The following LIPC variants were observed in gnomAD, a reference collection of about 807,000 sequenced individuals.
The protein encoded by LIPC is lipase C, hepatic type.
A neutral mutation model predicts 50.7 loss-of-function variants in LIPC; 44 were observed. The observed-to-expected ratio is 0.87, with a 90% CI of 0.68 to 1.11. LIPC has a LOEUF of 1.11. Among genes scored for constraint, LIPC ranks in the 50% most tolerant of loss-of-function variants. The pLI is 0.00. For missense variants in LIPC, 697 were observed against 648.2 expected, an observed-to-expected ratio of 1.08 and a Z score of -0.82; for synonymous variants, 271 against 256.4, an observed-to-expected ratio of 1.06 and a Z score of -0.54.
intron 1 of LIPC, among the ~76,000 whole-genome samples, chr15:58,481,016 A>G (rs1472430580): frequency 6.6e-6 from 1 of 152,140 alleles, no homozygotes; most frequent in Non-Finnish European, 1.5e-5. Context: ...CCACAGATTG[A>G]CTGGGGGAAA....
At chr15:58,471,252 T>A (rs2140741769) in intron 1 of LIPC, among the ~76,000 whole-genome samples, 1 of 139,752 alleles carries the variant, frequency 7.2e-6, no homozygotes, top group Admixed American at 7.3e-5. Context: ...TTCTCCTACC[T>A]CAGCCTCCCG....
intron 1 of LIPC, among the ~76,000 whole-genome samples, chr15:58,497,351 G>A (rs1051209134): frequency 1.3e-5 from 2 of 152,176 alleles, no homozygotes; most frequent in African/African-American, 4.8e-5. Flanking sequence ...GGAATGGATG[G>A]GGAAGTGGGG....
In LIPC at chr15:58,548,575, G is replaced by C. The variant is rs1893625755; in HGVS notation, c.1051+3G>C. 2 of 1,588,734 alleles carry C rather than the reference G, an allele frequency of 1.3e-6. No individual in the cohort carries two copies. Among genetic ancestry groups the C allele is most frequent in the African/African-American group, 1.3e-5 (1 of 74,716 alleles). ...GCGAGCCCAGTCCCCCTTCAAAGGT[G>C]AGTGTGGAGCTGGGGAGCCTTCAGA... On this transcript the variant is annotated splice_donor_region_variant and intron_variant, in intron 6 of 8. Transcript: ENST00000299022.
rs140122333 is a variant in LIPC, at chr15:58,523,467, G to A, written c.89-14866G>A. ...CGTAAGCCAAGAAGACAGACGAGGTGAGTGGACCCTTTGACTCCACAGTCA... is the reference window on the plus strand; with the variant it reads ...CGTAAGCCAAGAAGACAGACGAGGTAAGTGGACCCTTTGACTCCACAGTCA... On this transcript the variant is annotated intron_variant, in intron 1 of 8. Transcript: ENST00000299022. 2.1e-3 allele frequency: 314 copies of A among 152,432 alleles called. 1 individual carries two copies. The highest frequency in any genetic ancestry group is 0.014 in the Middle Eastern group (4 of 294). The allele number at this position is 152,432 out of a possible 1,614,324, so 9.4% of individuals were successfully genotyped here. A position where few individuals can be genotyped will look rare whatever the true frequency, so the allele number is the denominator to read the frequency against.
Position 58,512,871 on chromosome 15 carries a change from C to T in LIPC, c.89-25462C>T, listed in dbSNP as rs369851307. On this transcript the variant is annotated intron_variant, in intron 1 of 8. Transcript: ENST00000299022. ...GCCATAAAATGATGACCTATGACAA[C>T]GAGGGTCGTTCCACACACATCCTCC... Among the ~76,000 whole-genome samples the T allele has an allele frequency of 5.4e-4, 82 of 151,896 alleles. 2 individuals carry two copies. The South Asian group carries it at 0.016, about 30-fold the overall frequency.
At position 58,569,063 on chromosome 15, in the gene LIPC, T is replaced by TAATATATGCA. The variant is rs1894478451; in HGVS notation, c.*241_*250dup. The TAATATATGCA allele has an allele frequency of 5.4e-5, 20 of 372,490 alleles. No homozygotes were observed. In the South Asian group the frequency reaches 9.1e-4, roughly 17 times the overall value. 23.1% of individuals were successfully genotyped at this position (372,490 alleles called of 1,614,324 possible). A position where few individuals can be genotyped will look rare whatever the true frequency, so the allele number is the denominator to read the frequency against. ...CCCAATTTTATCTCTGGTTAAATGT[T>TAATATATGCA]AATATATGCAAATAAGTACAAATGC... On this transcript the variant is annotated 3_prime_UTR_variant, in exon 9 of 9. Coordinates refer to ENST00000299022, the MANE Select transcript of LIPC (RefSeq NM_000236.3).
chr15:58,565,346 C>G (rs527550721), intron 8 of LIPC: 1 of 1,529,230 alleles, frequency 6.5e-7, no homozygotes. Flanking sequence ...TGGCTGCTCA[C>G]CCTGACAATC....
chr15:58,534,694 ATAAC>A (rs1893058496), intron 1 of LIPC, among the ~76,000 whole-genome samples: 1 of 152,198 alleles, frequency 6.6e-6, no homozygotes, highest in African/African-American at 2.4e-5. Flanking sequence ...CAGGAATGCT[ATAAC>A]TGATCCCGCT....
In LIPC at chr15:58,568,747, C is replaced by G. The variant is rs1167940460; in HGVS notation, c.1420C>G (p.Leu474Val). 2 of 1,610,304 alleles carry G rather than the reference C, an allele frequency of 1.2e-6. No homozygotes were observed. The highest frequency in any genetic ancestry group is 1.3e-5 in the African/African-American group (1 of 74,958). Reference protein sequence around the residue: ...MTFCSENTDDLLLRPTQEKIF... With the variant: ...MTFCSENTDDVLLRPTQEKIF... ...ATTTTGTTCAGAAAACACAGATGAC[C>G]TACTACTTCGCCCAACCCAGGAAAA... is the stretch of plus-strand genomic sequence containing the variant. The change falls in exon 9 of 9, where the codon CTA becomes GTA. Residue 474 changes from leucine (L) to valine (V), a missense_variant. By Grantham distance (32) the Leu-to-Val change is conservative (BLOSUM62 1). Coordinates refer to ENST00000299022, the MANE Select transcript of LIPC (RefSeq NM_000236.3).
intron 1 of LIPC, among the ~76,000 whole-genome samples, chr15:58,458,183 A>G (rs1894205573): frequency 6.6e-6 from 1 of 152,126 alleles, no homozygotes; most frequent in South Asian, 2.1e-4. Flanking sequence ...AAAAAAAAAA[A>G]ATGTAAGTCC....
At position 58,542,572 on chromosome 15, in the gene LIPC, T is replaced by C. The variant is rs768463883; in HGVS notation, c.495T>C (p.Ile165=). Reference sequence around the variant, plus strand: ...TCTCTCGAAGCCATGTTCACCTAATTGGGTACAGCCTGGGTGCACACGTGT... The same window carrying C: ...TCTCTCGAAGCCATGTTCACCTAATCGGGTACAGCCTGGGTGCACACGTGT... ...VQLSRSHVHL[I]GYSLGAHVSG... is the part of the protein sequence containing the mutation. Residue 165 remains isoleucine (I), a synonymous_variant, in exon 4 of 9, where the codon ATT becomes ATC. Transcript: ENST00000299022. 1.2e-6 allele frequency: 2 copies of C among 1,613,804 alleles called. No individual in the cohort carries two copies. Among genetic ancestry groups the C allele is most frequent in the Non-Finnish European group, 1.7e-6 (2 of 1,179,750 alleles).
At chr15:58,480,363 C>T (rs1048955320) in intron 1 of LIPC, among the ~76,000 whole-genome samples, 3 of 152,182 alleles carry the variant, frequency 2.0e-5, no homozygotes, top group African/African-American at 7.2e-5. Context: ...GGCGCAATCT[C>T]GGCTCACTGC....
chr15:58,502,172 G>GAC (rs1391435019), intron 1 of LIPC, among the ~76,000 whole-genome samples: 3 of 152,160 alleles, frequency 2.0e-5, no homozygotes, highest in African/African-American at 7.2e-5. Context: ...GGCACACCAT[G>GAC]ACATCTTCTC....
intron 6 of LIPC, among the ~76,000 whole-genome samples, chr15:58,558,200 G>T (rs921097771): frequency 6.6e-6 from 1 of 152,060 alleles, no homozygotes; most frequent in East Asian, 1.9e-4. Context: ...AGCCTCCCGA[G>T]TAGCTGGGAC....
chr15:58,542,456 C>T (rs766471381), intron 3 of LIPC, 78 bp from the exon 4 acceptor site: 35 of 910,328 alleles, frequency 3.8e-5, no homozygotes, highest in South Asian at 9.1e-5. Context: ...ACAGGGTGGG[C>T]GCCACAACAC....
At chr15:58,516,237 C>CTTTTTT (rs11351202) in intron 1 of LIPC, among the ~76,000 whole-genome samples, 44 of 45,144 alleles carry the variant, frequency 9.7e-4, no homozygotes, top group Admixed American at 1.4e-3. Context: ...CCTCTAGCTT[C>CTTTTTT]TTTTTTTTTT....
At chr15:58,487,491 T>C (rs1891418584) in intron 1 of LIPC, among the ~76,000 whole-genome samples, 1 of 152,262 alleles carries the variant, frequency 6.6e-6, no homozygotes, top group African/African-American at 2.4e-5. Flanking sequence ...ACCAGGTTGC[T>C]GAAGCAATAG....
At chr15:58,499,747 T>A (rs28463014) in intron 1 of LIPC, among the ~76,000 whole-genome samples, 1 of 152,184 alleles carries the variant, frequency 6.6e-6, no homozygotes, top group South Asian at 2.1e-4. Context: ...TCTGTCTTCT[T>A]GCTAAACAAG....
At chr15:58,566,562 T>G (rs1894371599) in intron 8 of LIPC, 1 of 588,144 alleles carries the variant, frequency 1.7e-6, no homozygotes, top group African/African-American at 2.0e-5. Flanking sequence ...ATATCGCTGC[T>G]AAGTGCAAGT....
Sources: gnomAD v4.1 joint callset for allele counts (sites outside exome capture counted in the v4.1 genomes callset) on GRCh38, gnomAD v4.1.1 for gene constraint, MANE v1.5 for transcripts, NCBI Gene and HGNC (gene_info 2026-07-23, HGNC 2026-07-21) for gene names.